Variants in MAD1L1 observed in about 807,000 individuals in gnomAD.
MAD1L1 encodes the protein mitotic spindle assembly checkpoint protein MAD1.
Under a neutral mutation model 96.9 loss-of-function variants are expected in MAD1L1, and 95 were observed. That is an observed-to-expected ratio of 0.98 (90% CI 0.83 to 1.16). The LOEUF (loss-of-function observed/expected upper bound fraction) is 1.16, where lower values mean the gene tolerates loss of function less well. MAD1L1 is among the 50% of genes most tolerant of loss of function. The pLI is 0.00. For missense variants in MAD1L1, 1,007 were observed against 954.4 expected, an observed-to-expected ratio of 1.06 and a Z score of -0.73; for synonymous variants, 473 against 396.6, an observed-to-expected ratio of 1.19 and a Z score of -2.29.
intron 18 of MAD1L1, among the ~76,000 whole-genome samples, chr7:1,837,245 C>T (rs1434611674): frequency 6.6e-6 from 1 of 152,108 alleles, no homozygotes; most frequent in African/African-American, 2.4e-5. Context: ...AAATTAAAAC[C>T]GCAATGAGAC....
intron 18 of MAD1L1, among the ~76,000 whole-genome samples, chr7:1,842,354 C>T (rs1196692330): frequency 1.3e-5 from 2 of 152,250 alleles, no homozygotes; most frequent in Admixed American, 6.5e-5. Flanking sequence ...CCTGCGGCTC[C>T]GGCCCTGGAG....
chr7:1,921,293 C>G (rs1788778648), intron 17 of MAD1L1, among the ~76,000 whole-genome samples: 1 of 151,674 alleles, frequency 6.6e-6, no homozygotes, highest in Non-Finnish European at 1.5e-5. Flanking sequence ...ACCTTGATAC[C>G]TTTTTTTTGA....
intron 16 of MAD1L1, among the ~76,000 whole-genome samples, chr7:1,956,108 A>G (rs1429322181): frequency 6.6e-6 from 1 of 152,062 alleles, no homozygotes; most frequent in Non-Finnish European, 1.5e-5. Flanking sequence ...AAGGCACTTT[A>G]TCTTGGAAAT....
At position 2,222,772 on chromosome 7, in the gene MAD1L1, G is replaced by C. The variant is rs1186483694; in HGVS notation, c.292-18C>G. 2.6e-6 allele frequency: 4 copies of C among 1,568,048 alleles called. No homozygotes were observed. Among genetic ancestry groups the C allele is most frequent in the African/African-American group, 1.4e-5 (1 of 73,738 alleles). Reference sequence around the variant, plus strand: ...ACCTCACGCTGTTAAGAGAGCAAGAGTCAGATGCCACGTGCCGCCCACGGG... The same window carrying C: ...ACCTCACGCTGTTAAGAGAGCAAGACTCAGATGCCACGTGCCGCCCACGGG... On this transcript the variant is annotated intron_variant, in intron 4 of 18. Coordinates refer to ENST00000265854, the MANE Select transcript of MAD1L1 (RefSeq NM_001013836.2).
intron 12 of MAD1L1, among the ~76,000 whole-genome samples, chr7:2,060,921 G>T (rs570535012): frequency 6.6e-6 from 1 of 152,352 alleles, no homozygotes; most frequent in African/African-American, 2.4e-5. Context: ...AACATCAACA[G>T]AGAAATTCCG....
intron 10 of MAD1L1, among the ~76,000 whole-genome samples, chr7:2,181,568 G>A (rs569000232): frequency 2.0e-5 from 3 of 152,186 alleles, no homozygotes; most frequent in Non-Finnish European, 4.4e-5. Flanking sequence ...GTGGAAAAAG[G>A]AACACTTTTA....
chr7:1,983,070 T>A (rs186900916), intron 14 of MAD1L1, among the ~76,000 whole-genome samples: 252 of 152,202 alleles, frequency 1.7e-3, no homozygotes, highest in Middle Eastern at 0.014. Context: ...ACAATGACAC[T>A]GATACACGTA....
chr7:2,213,195 C>T lies in MAD1L1; in HGVS notation c.986+17G>A, dbSNP rs199709999. 979 of 1,614,044 alleles carry T rather than the reference C, an allele frequency of 6.1e-4. 4 individuals are homozygous for T. The African/African-American group carries it at 9.6e-3, about 16-fold the overall frequency. ...TTCAAAGAAGGCGGGACCCCGGAGA[C>T]ACCTGCCCTTCCCTACCTGATGCTC... On this transcript the variant is annotated intron_variant, in intron 10 of 18. Transcript: ENST00000265854.
intron 11 of MAD1L1, among the ~76,000 whole-genome samples, chr7:2,081,313 T>C (rs897973076): frequency 6.6e-6 from 1 of 152,096 alleles, no homozygotes; most frequent in Non-Finnish European, 1.5e-5. Flanking sequence ...ATCTGGATCA[T>C]AGGTTCTAGC....
intron 1 of MAD1L1, among the ~76,000 whole-genome samples, chr7:2,230,942 C>T (rs1444523788): frequency 6.6e-6 from 1 of 152,194 alleles, no homozygotes; most frequent in African/African-American, 2.4e-5. Flanking sequence ...AAAAATGATG[C>T]TTTCCCAGGT....
intron 10 of MAD1L1, among the ~76,000 whole-genome samples, chr7:2,204,807 C>T (rs1584542859): frequency 6.6e-6 from 1 of 152,140 alleles, no homozygotes; most frequent in African/African-American, 2.4e-5. Flanking sequence ...GATTAAATAC[C>T]GAGGAATGGA....
chr7:2,066,855 A>G (rs1485844068), intron 12 of MAD1L1, among the ~76,000 whole-genome samples: 5 of 152,256 alleles, frequency 3.3e-5, no homozygotes, highest in Non-Finnish European at 7.3e-5. Context: ...CCAGCACACA[A>G]GAACACTCAG....
intron 18 of MAD1L1, chr7:1,829,616 G>C (rs1371438946): frequency 6.6e-6 from 1 of 152,052 alleles, no homozygotes; most frequent in South Asian, 2.1e-4. Flanking sequence ...TGCCAGTGGT[G>C]GGGACAGCAA....
intron 10 of MAD1L1, among the ~76,000 whole-genome samples, chr7:2,194,118 G>T (rs115741490): frequency 0.014 from 2,114 of 151,502 alleles, 45 homozygotes; most frequent in African/African-American, 0.046. Context: ...TAATTTTTTT[G>T]TGTGTGTGTG....
intron 17 of MAD1L1, among the ~76,000 whole-genome samples, chr7:1,919,635 C>T (rs1037279164): frequency 6.6e-6 from 1 of 152,240 alleles, no homozygotes; most frequent in Non-Finnish European, 1.5e-5. Flanking sequence ...TCATGCTGAG[C>T]ACACATCATG....
At chr7:1,985,504 G>A (rs1781099072) in intron 14 of MAD1L1, among the ~76,000 whole-genome samples, 1 of 152,248 alleles carries the variant, frequency 6.6e-6, no homozygotes, top group Admixed American at 6.5e-5. Flanking sequence ...GTGCTCTAGG[G>A]AGCCTAACAT....
At chr7:1,988,655 C>A (rs778971732) in intron 14 of MAD1L1, among the ~76,000 whole-genome samples, 2 of 152,210 alleles carry the variant, frequency 1.3e-5, no homozygotes, top group Non-Finnish European at 2.9e-5. Context: ...GTGGCCCAGG[C>A]GCACAGCGTG....
At chr7:2,079,238 G>T (rs1463463043) in intron 11 of MAD1L1, among the ~76,000 whole-genome samples, 2 of 152,218 alleles carry the variant, frequency 1.3e-5, no homozygotes, top group Non-Finnish European at 2.9e-5. Flanking sequence ...CTCGGAAGGG[G>T]CTGGGACTCC....
intron 17 of MAD1L1, among the ~76,000 whole-genome samples, chr7:1,925,518 A>C (rs34869273): frequency 0.034 from 5,149 of 152,288 alleles, 112 homozygotes; most frequent in Middle Eastern, 0.14. Flanking sequence ...GGTGGACGGC[A>C]GGAGGGCAGA....
Sources: gnomAD v4.1 joint callset for allele counts (sites outside exome capture counted in the v4.1 genomes callset) on GRCh38, gnomAD v4.1.1 for gene constraint, MANE v1.5 for transcripts, NCBI Gene and HGNC (gene_info 2026-07-23, HGNC 2026-07-21) for gene names.